Variants in SNTG1 observed in about 807,000 individuals in gnomAD.
SNTG1 encodes the protein gamma-1-syntrophin.
A neutral mutation model predicts 74.7 loss-of-function variants in SNTG1; 39 were observed. The observed-to-expected ratio is 0.52, with a 90% confidence interval of 0.40 to 0.68. The LOEUF (loss-of-function observed/expected upper bound fraction) is 0.68. SNTG1 is among the 30% of genes least tolerant of loss of function. The probability of loss-of-function intolerance (pLI) is 0.00; values close to 1 mark genes in which losing one functional copy is unlikely to be tolerated. For missense variants in SNTG1, 685 were observed against 609.5 expected (o/e 1.12, Z -1.30); for synonymous variants, 254 against 217.1 (o/e 1.17, Z -1.49).
chr8:50,016,864 C>T (rs964509740), intron 1 of SNTG1, among the ~76,000 whole-genome samples: 2 of 152,104 alleles, frequency 1.3e-5, no homozygotes, highest in Non-Finnish European at 1.5e-5. Context: ...AAAAAAAATG[C>T]AATGAGTTTG....
chr8:50,495,077 A>T (rs1197755316), intron 8 of SNTG1, among the ~76,000 whole-genome samples: 1 of 152,038 alleles, frequency 6.6e-6, no homozygotes, highest in Non-Finnish European at 1.5e-5. Context: ...AATTTTAGGA[A>T]TTGTGAAATT....
At chr8:50,543,129 G>A (rs73585166) in intron 11 of SNTG1, among the ~76,000 whole-genome samples, 3,827 of 152,142 alleles carry the variant, frequency 0.025, 150 homozygotes, top group African/African-American at 0.086. Context: ...TGCTTTTGAC[G>A]TCTTACAGAA....
At chr8:50,593,248 C>T (rs946626439) in intron 13 of SNTG1, among the ~76,000 whole-genome samples, 5 of 152,118 alleles carry the variant, frequency 3.3e-5, no homozygotes, top group African/African-American at 1.2e-4. Flanking sequence ...AAAGCCACTG[C>T]GGTCCAGCTG....
At chr8:50,634,038 G>A (rs1446685036) in intron 13 of SNTG1, among the ~76,000 whole-genome samples, 2 of 152,184 alleles carry the variant, frequency 1.3e-5, no homozygotes, top group East Asian at 1.9e-4. Flanking sequence ...GGCTACCAGT[G>A]GTTCAGCTAA....
At chr8:50,180,058 A>G (rs1026311048) in intron 2 of SNTG1, among the ~76,000 whole-genome samples, 1 of 152,248 alleles carries the variant, frequency 6.6e-6, no homozygotes, top group East Asian at 1.9e-4. Flanking sequence ...TGAATGGATA[A>G]ATAAATTATG....
chr8:50,793,715 A>C lies in SNTG1; in HGVS notation c.*886A>C, dbSNP rs1433889004. 1 of 151,944 alleles carries C rather than the reference A, an allele frequency of 6.6e-6. No homozygotes were observed. The highest frequency in any genetic ancestry group is 2.4e-5 in the African/African-American group (1 of 41,424). 9.4% of individuals were successfully genotyped at this position (151,944 alleles called of 1,614,324 possible). A position where few individuals can be genotyped will look rare whatever the true frequency, so the allele number is the denominator to read the frequency against. ...TTTGTAGAGAAAATAATATAAACAAATATGGTGTGAGAAACAATTCTTTGT... is the reference window on the plus strand; with the variant it reads ...TTTGTAGAGAAAATAATATAAACAACTATGGTGTGAGAAACAATTCTTTGT... On this transcript the variant is annotated 3_prime_UTR_variant, in exon 19 of 19. Coordinates refer to ENST00000642720, the MANE Select transcript of SNTG1 (RefSeq NM_018967.5).
At chr8:49,966,059 T>C (rs74649897) in intron 1 of SNTG1, among the ~76,000 whole-genome samples, 6,643 of 152,264 alleles carry the variant, frequency 0.044, 495 homozygotes, top group African/African-American at 0.15. Context: ...GTAATGTTCA[T>C]CTCTAGAATA....
intron 1 of SNTG1, among the ~76,000 whole-genome samples, chr8:50,086,077 T>C (rs1287129845): frequency 6.6e-6 from 1 of 152,010 alleles, no homozygotes; most frequent in Non-Finnish European, 1.5e-5. Context: ...ACCAACTATG[T>C]CCATACAAGC....
chr8:50,644,718 T>A (rs1041926430), intron 13 of SNTG1, among the ~76,000 whole-genome samples: 1 of 152,170 alleles, frequency 6.6e-6, no homozygotes, highest in African/African-American at 2.4e-5. Flanking sequence ...AAGGGTCAAC[T>A]GTAATTTCTG....
rs550247816 is a variant in SNTG1, at chr8:50,121,992, G to GA, written c.-102-50563dup. ...TTGGTGGTAAAAATTCTGGGACTGG[G>GA]AAAAAACCCAAGTGAAATTGTTTTT... On this transcript the variant is annotated intron_variant, in intron 1 of 18. Transcript: ENST00000642720. Among the ~76,000 whole-genome samples the GA allele has an allele frequency of 3.4e-3, 484 of 141,714 alleles. 81 individuals are homozygous for GA. The highest frequency in any genetic ancestry group is 0.033 in the Admixed American group (456 of 13,722). 93.0% of individuals were successfully genotyped at this position (141,714 alleles called of 152,430 possible).
chr8:50,510,655 T>C (rs2094061950), intron 9 of SNTG1, among the ~76,000 whole-genome samples: 1 of 152,212 alleles, frequency 6.6e-6, no homozygotes, highest in South Asian at 2.1e-4. Flanking sequence ...AGGGTGTATA[T>C]GTCGAGGAAT....
chr8:50,122,263 G>C (rs899399739), intron 1 of SNTG1, among the ~76,000 whole-genome samples: 9 of 142,258 alleles, frequency 6.3e-5, no homozygotes, highest in African/African-American at 2.3e-4. Flanking sequence ...GTTTTGCAAA[G>C]CAAATAGTAA....
At chr8:50,217,708 A>G (rs1321643363) in intron 2 of SNTG1, among the ~76,000 whole-genome samples, 1 of 152,186 alleles carries the variant, frequency 6.6e-6, no homozygotes, top group African/African-American at 2.4e-5. Context: ...ACTCTTCATA[A>G]CAACTCTTCA....
At chr8:49,992,581 G>C (rs1177786220) in intron 1 of SNTG1, among the ~76,000 whole-genome samples, 1 of 152,080 alleles carries the variant, frequency 6.6e-6, no homozygotes. Flanking sequence ...CTTGTTACCT[G>C]GAAACAAACT....
Position 50,577,628 on chromosome 8 carries a change from T to C in SNTG1, c.811-13251T>C, listed in dbSNP as rs193065961. 2.0e-5 allele frequency among the ~76,000 whole-genome samples: 3 copies of C among 152,238 alleles called. No individual in the cohort carries two copies. In the East Asian group the frequency reaches 5.8e-4, roughly 29 times the overall value. On this transcript the variant is annotated intron_variant, in intron 12 of 18. Coordinates refer to ENST00000642720, the MANE Select transcript of SNTG1 (RefSeq NM_018967.5). Reference sequence around the variant, plus strand: ...ACATTGAGATTTGACATAAAATACATTTTTAGAAAACATAATAAATATGGA... The same window carrying C: ...ACATTGAGATTTGACATAAAATACACTTTTAGAAAACATAATAAATATGGA...
chr8:50,141,688 C>A (rs1370980523), intron 1 of SNTG1, among the ~76,000 whole-genome samples: 1 of 151,906 alleles, frequency 6.6e-6, no homozygotes, highest in East Asian at 1.9e-4. Context: ...TTAGAGAATT[C>A]TTAATTTAGT....
chr8:50,461,156 GGTGTGTGTGTGTGTGTGTGTGT>G (rs71233496), intron 8 of SNTG1, among the ~76,000 whole-genome samples: 2 of 124,170 alleles, frequency 1.6e-5, no homozygotes, highest in Admixed American at 8.3e-5. Context: ...AGATTTTTCT[GGTGTGTGTGTGTGTGTGTGTGT>G]GTGTGTGTGT....
intron 1 of SNTG1, among the ~76,000 whole-genome samples, chr8:50,060,783 A>G (rs988427006): frequency 4.6e-5 from 7 of 151,678 alleles, no homozygotes; most frequent in Non-Finnish European, 1.0e-4. Flanking sequence ...ATGTTTTGAG[A>G]TTTGTTTAAT....
chr8:50,639,243 T>G (rs1216068606), intron 13 of SNTG1, among the ~76,000 whole-genome samples: 2 of 151,842 alleles, frequency 1.3e-5, no homozygotes, highest in Non-Finnish European at 2.9e-5. Context: ...GCTATTTCTG[T>G]ATTTCAGTGG....
Sources: allele counts gnomAD v4.1 joint callset (sites outside exome capture counted in the v4.1 genomes callset), GRCh38; gene constraint gnomAD v4.1.1; transcripts MANE v1.5; gene names NCBI Gene and HGNC (gene_info 2026-07-23, HGNC 2026-07-21).